LIPA: variants seen among roughly 807,000 people sequenced by gnomAD.
The protein encoded by LIPA is lipase A, lysosomal acid type, also known as lysosomal acid lipase/cholesteryl ester hydrolase.
A neutral mutation model predicts 40.6 loss-of-function variants in LIPA; 26 were observed. The ratio of observed to expected loss-of-function variants is 0.64; its 90% CI spans 0.47 to 0.89. The LOEUF is 0.89. Among genes scored for constraint, LIPA ranks in the 40% least tolerant of loss-of-function variants. The probability of loss-of-function intolerance (pLI) is 0.00; values close to 1 mark genes in which losing one functional copy is unlikely to be tolerated. For missense variants in LIPA, 455 were observed against 479.6 expected (o/e 0.95, Z 0.48); for synonymous variants, 188 against 168.4 (o/e 1.12, Z -0.90).
intron 1 of LIPA, among the ~76,000 whole-genome samples, chr10:89,265,577 CT>C (rs1051771638): frequency 4.6e-5 from 7 of 152,210 alleles, no homozygotes; most frequent in Non-Finnish European, 8.8e-5. Flanking sequence ...AATTATTTTA[CT>C]TTCCTTTTAC....
chr10:89,267,730 A>T (rs113736346), intron 1 of LIPA, among the ~76,000 whole-genome samples: 971 of 31,782 alleles, frequency 0.031, 3 homozygotes, highest in South Asian at 0.098. Context: ...AAAGTATAAT[A>T]AAAAAAAAAA....
At chr10:89,413,194 TA>T (rs1345477536) in intron 1 of LIPA, among the ~76,000 whole-genome samples, 1 of 152,260 alleles carries the variant, frequency 6.6e-6, no homozygotes, top group Non-Finnish European at 1.5e-5. Context: ...TTGCAACTTA[TA>T]AAAAGCAGAT....
At chr10:89,391,377 C>CT (rs201560772) in intron 2 of LIPA, among the ~76,000 whole-genome samples, 3,462 of 150,226 alleles carry the variant, frequency 0.023, 58 homozygotes, top group African/African-American at 0.043. Flanking sequence ...CCACACCCAG[C>CT]TTTTTTTTTC....
At chr10:89,280,268 T>C (rs866305365) in intron 1 of LIPA, among the ~76,000 whole-genome samples, 25 of 152,076 alleles carry the variant, frequency 1.6e-4, no homozygotes, top group Non-Finnish European at 8.8e-5. Context: ...AGAAAACATA[T>C]GCAAAAAATT....
intron 2 of LIPA, among the ~76,000 whole-genome samples, chr10:89,388,456 A>T (rs1291872197): frequency 6.6e-6 from 1 of 152,152 alleles, no homozygotes; most frequent in Non-Finnish European, 1.5e-5. Flanking sequence ...TGTTTTGTTA[A>T]TTTTGTTATT....
At chr10:89,283,491 G>A (rs756518892) in intron 1 of LIPA, among the ~76,000 whole-genome samples, 14 of 152,128 alleles carry the variant, frequency 9.2e-5, no homozygotes, top group South Asian at 2.1e-4. Flanking sequence ...ACAGTTCTCC[G>A]GAATCCACCC....
intron 2 of LIPA, among the ~76,000 whole-genome samples, chr10:89,387,038 T>C (rs752673213): frequency 2.0e-5 from 3 of 151,906 alleles, no homozygotes; most frequent in African/African-American, 4.8e-5. Context: ...TATTTTAGGC[T>C]GGGCGCCGTG....
At chr10:89,398,786 A>G (rs1401755941) in intron 2 of LIPA, among the ~76,000 whole-genome samples, 1 of 152,200 alleles carries the variant, frequency 6.6e-6, no homozygotes, top group Non-Finnish European at 1.5e-5. Flanking sequence ...ATCAATGGAC[A>G]CTTAAGTTGC....
chr10:89,307,509 G>T, intron 1 of LIPA: 1 of 724,642 alleles, frequency 1.4e-6, no homozygotes. Context: ...CCACTGGACA[G>T]GGTTATGTTA....
At chr10:89,218,541 C>T (rs182336864) in intron 8 of LIPA, among the ~76,000 whole-genome samples, 2 of 152,340 alleles carry the variant, frequency 1.3e-5, no homozygotes, top group African/African-American at 4.8e-5. Flanking sequence ...GAAACCACAT[C>T]CTCATCCTCC....
intron 2 of LIPA, among the ~76,000 whole-genome samples, chr10:89,381,923 C>T (rs756022730): frequency 3.3e-5 from 5 of 151,916 alleles, no homozygotes; most frequent in Non-Finnish European, 7.4e-5. Flanking sequence ...GTAGCTGGGA[C>T]AACGCTGGCT....
chr10:89,391,921 A>G (rs1429795040), intron 2 of LIPA, among the ~76,000 whole-genome samples: 1 of 152,218 alleles, frequency 6.6e-6, no homozygotes, highest in Non-Finnish European at 1.5e-5. Flanking sequence ...GTTGCTAACT[A>G]TTTAAACTCA....
chr10:89,314,622 T>A (rs552131017), intron 1 of LIPA: 2 of 152,334 alleles, frequency 1.3e-5, no homozygotes, highest in South Asian at 4.1e-4. Context: ...GAGCCGAGAT[T>A]GTGCCACTGC....
intron 1 of LIPA, chr10:89,292,277 C>T (rs991575865): frequency 6.6e-6 from 1 of 152,194 alleles, no homozygotes; most frequent in Non-Finnish European, 1.5e-5. Context: ...AACTTTTCTA[C>T]TCTTTTGGCA....
intron 1 of LIPA, among the ~76,000 whole-genome samples, chr10:89,248,453 T>TTA (rs1564766003): frequency 3.4e-4 from 23 of 67,894 alleles, no homozygotes; most frequent in African/African-American, 8.8e-4. Flanking sequence ...TATTTATTTA[T>TTA]TTATTTATTT....
At chr10:89,246,152 C>T (rs188734830) in intron 2 of LIPA, among the ~76,000 whole-genome samples, 1 of 152,234 alleles carries the variant, frequency 6.6e-6, no homozygotes, top group Admixed American at 6.5e-5. Flanking sequence ...CTAGAACTGT[C>T]AATGTATAAA....
chr10:89,303,418 G>A (rs1450557977), intron 1 of LIPA, among the ~76,000 whole-genome samples: 1 of 152,130 alleles, frequency 6.6e-6, no homozygotes, highest in Non-Finnish European at 1.5e-5. Flanking sequence ...ATGTCACTGT[G>A]GCTTTCATCC....
upstream of LIPA, among the ~76,000 whole-genome samples, chr10:89,254,550 G>C (rs1193208648): frequency 6.6e-6 from 1 of 152,170 alleles, no homozygotes; most frequent in African/African-American, 2.4e-5. Flanking sequence ...CTGCCTCAAA[G>C]GTCTCTGACA....
chr10:89,216,370 GA>G (rs1355407420), intron 8 of LIPA, among the ~76,000 whole-genome samples: 1 of 150,020 alleles, frequency 6.7e-6, no homozygotes, highest in Non-Finnish European at 1.5e-5. Flanking sequence ...TTTTACTTGG[GA>G]AATAAAGGTA....
Sources: allele counts gnomAD v4.1 joint callset (sites outside exome capture counted in the v4.1 genomes callset), GRCh38; gene constraint gnomAD v4.1.1; transcripts MANE v1.5; gene names NCBI Gene and HGNC (gene_info 2026-07-23, HGNC 2026-07-21).